Variants in CFAP68 observed in about 807,000 individuals in gnomAD.
CFAP68 encodes the protein cilia- and flagella-associated protein 68.
the CFAP68 span, chr11:111,881,419 G>C: frequency 6.5e-7 from 1 of 1,532,368 alleles, no homozygotes. Flanking sequence ...AAGGCAAGTG[G>C]GTGGTGACTC....
the CFAP68 span, chr11:111,883,050 C>G: frequency 1.0e-6 from 1 of 979,708 alleles, no homozygotes; most frequent in East Asian, 2.6e-5. Flanking sequence ...TATGACAGTC[C>G]GTGAGAATTC....
At chr11:111,881,218 G>T in the CFAP68 span, 2 of 1,344,274 alleles carry the variant, frequency 1.5e-6, no homozygotes, top group South Asian at 1.8e-5. Flanking sequence ...CAGCCCTAGA[G>T]ACAGTTACAC....
chr11:111,883,824 C>T, the CFAP68 span: 1 of 1,613,696 alleles, frequency 6.2e-7, no homozygotes, highest in Non-Finnish European at 8.5e-7. Flanking sequence ...ACTGGATCCT[C>T]CCCGATACAA....
the CFAP68 span, among the ~76,000 whole-genome samples, chr11:111,879,882 CAG>C: frequency 1.3e-5 from 2 of 152,056 alleles, no homozygotes; most frequent in East Asian, 1.9e-4. Context: ...TGAAAGCTAA[CAG>C]GGTAAAAGTG....
the CFAP68 span, chr11:111,881,593 CAA>C: frequency 2.7e-5 from 42 of 1,535,256 alleles, no homozygotes; most frequent in Non-Finnish European, 3.5e-5. Context: ...TACTCAGCAT[CAA>C]GTTACTCTTC....
chr11:111,882,398 C>A, the CFAP68 span: 20 of 1,614,044 alleles, frequency 1.2e-5, no homozygotes, highest in Middle Eastern at 1.6e-4. Context: ...CCTCACAAAC[C>A]CACACTGTGG....
chr11:111,879,634 TC>T, the CFAP68 span: 1 of 1,604,702 alleles, frequency 6.2e-7, no homozygotes, highest in Non-Finnish European at 8.5e-7. Flanking sequence ...TTCTATTCGT[TC>T]AAGAAAGAGT....
At chr11:111,882,635 T>G in the CFAP68 span, 1 of 1,494,254 alleles carries the variant, frequency 6.7e-7, no homozygotes, top group Non-Finnish European at 9.0e-7. Flanking sequence ...GTTTGTTTCC[T>G]TCTGTTGGCA....
the CFAP68 span, chr11:111,883,699 G>T: frequency 3.0e-6 from 3 of 1,016,900 alleles, no homozygotes; most frequent in Non-Finnish European, 4.6e-6. Context: ...ATAAGAGCAA[G>T]ATCAGTTACT....
At chr11:111,883,760 T>A in the CFAP68 span, 102 of 1,575,762 alleles carry the variant, frequency 6.5e-5, no homozygotes, top group African/African-American at 1.1e-3. Context: ...CCTTTTTTTT[T>A]CTTCCCTCAG....
At chr11:111,883,128 C>A in the CFAP68 span, 1 of 1,564,036 alleles carries the variant, frequency 6.4e-7, no homozygotes, top group Non-Finnish European at 8.7e-7. Context: ...GTTAATTTTT[C>A]TTTCCAGTTT....
chr11:111,880,589 G>A, the CFAP68 span, among the ~76,000 whole-genome samples: 42 of 152,190 alleles, frequency 2.8e-4, no homozygotes, highest in Non-Finnish European at 1.5e-4. Flanking sequence ...GGAAGTTACC[G>A]TATATGGTCT....
At chr11:111,883,659 T>G in the CFAP68 span, 1 of 749,786 alleles carries the variant, frequency 1.3e-6, no homozygotes, top group Non-Finnish European at 2.2e-6. Context: ...TTCTTCAATT[T>G]TAACAGGACT....
At chr11:111,881,149 A>C in the CFAP68 span, 3 of 1,175,888 alleles carry the variant, frequency 2.6e-6, no homozygotes, top group Non-Finnish European at 3.2e-6. Context: ...AGTCAGAGTC[A>C]AAGATAAGCC....
the CFAP68 span, chr11:111,883,929 C>G: frequency 7.8e-7 from 1 of 1,286,118 alleles, no homozygotes. Context: ...TGACTAGTTT[C>G]ACATCCAGGT....
the CFAP68 span, chr11:111,883,113 A>C: frequency 6.6e-7 from 1 of 1,520,994 alleles, no homozygotes; most frequent in African/African-American, 1.4e-5. Flanking sequence ...CCAGATTCTT[A>C]ATCTGTTAAT....
At chr11:111,881,229 C>G in the CFAP68 span, 1 of 1,363,608 alleles carries the variant, frequency 7.3e-7, no homozygotes, top group African/African-American at 1.5e-5. Flanking sequence ...ACAGTTACAC[C>G]TAGATCTCCA....
chr11:111,883,592 C>CAA, the CFAP68 span, among the ~76,000 whole-genome samples: 4 of 121,786 alleles, frequency 3.3e-5, no homozygotes, highest in African/African-American at 1.2e-4. Context: ...GACTCTATCT[C>CAA]AAAAAAAAAA....
the CFAP68 span, chr11:111,883,247 C>T: frequency 6.8e-7 from 1 of 1,460,968 alleles, no homozygotes; most frequent in East Asian, 2.4e-5. Context: ...CAGAACCTAA[C>T]TCAGTGACCG....
Sources: gnomAD v4.1 joint callset for allele counts (sites outside exome capture counted in the v4.1 genomes callset) on GRCh38, gnomAD v4.1.1 for gene constraint, MANE v1.5 for transcripts, NCBI Gene and HGNC (gene_info 2026-07-23, HGNC 2026-07-21) for gene names.